ARHGAP27: variants seen among roughly 807,000 people sequenced by gnomAD.
The protein encoded by ARHGAP27 is Rho GTPase activating protein 27.
ARHGAP27 carries 53 observed loss-of-function variants against 102.0 expected under a neutral mutation model. The observed-to-expected ratio is 0.52, with a 90% confidence interval of 0.42 to 0.65. The LOEUF is 0.65. ARHGAP27 is among the 30% of genes least tolerant of loss of function. The pLI is 0.00. For missense variants in ARHGAP27, 1,117 were observed against 1,256.2 expected (o/e 0.89, Z 1.68); for synonymous variants, 525 against 542.8 (o/e 0.97, Z 0.46).
intron 5 of ARHGAP27, among the ~76,000 whole-genome samples, 176 bp downstream of exon 5, chr17:45,405,500 C>T (rs2047042359): frequency 6.6e-6 from 1 of 151,886 alleles, no homozygotes; most frequent in African/African-American, 2.4e-5. Context: ...CAGCCCCGCC[C>T]TTCACCCTGG....
At position 45,395,560 on chromosome 17, in the gene ARHGAP27, G is replaced by A. The variant is rs746391701; in HGVS notation, c.2566C>T (p.Arg856Trp). Reference protein sequence around the residue: ...VAIVFGPTLLRPEVEETSMPM... With the variant: ...VAIVFGPTLLWPEVEETSMPM... ...ATGCTGGTCTCTTCCACCTCGGGCC[G>A]CAGCAGCGTGGGCCCGAACACAATG... Residue 856 changes from arginine to tryptophan, a missense_variant, in exon 20 of 20, where the codon CGG (arginine) becomes TGG (tryptophan). Arg to Trp is a moderately radical substitution (Grantham distance 101). This residue lies in a region of ARHGAP27 where 493 missense variants were observed against 505.5 expected (regional missense o/e 0.98). Transcript: ENST00000685559. The A allele has an allele frequency of 2.4e-5, 39 of 1,603,970 alleles. No homozygotes were observed. Among genetic ancestry groups the A allele is most frequent in the African/African-American group, 4.0e-5 (3 of 74,746 alleles).
At chr17:45,410,674 G>A (rs371331383) in intron 4 of ARHGAP27, among the ~76,000 whole-genome samples, 1 of 152,054 alleles carries the variant, frequency 6.6e-6, no homozygotes, top group East Asian at 1.9e-4. Context: ...TGTGGGGGAG[G>A]GGCGCGCTTG....
rs540086629 is a variant in ARHGAP27 at position 45,396,404 on chromosome 17, C to T, written c.2173+83G>A. The T allele has an allele frequency of 3.8e-5, 55 of 1,466,524 alleles. No homozygotes were observed. In the African/African-American group the frequency reaches 7.2e-4, roughly 19 times the overall value. The allele number at this position is 1,466,524 out of a possible 1,614,324, so 90.8% of individuals were successfully genotyped here. On this transcript the variant is annotated intron_variant, in intron 16 of 19. Transcript: ENST00000685559. ...CTTTCCCCCTGGACCCTGCGTCCAT[C>T]CAGGGGTCTCCAGCCTGCGGTCCTG...
chr17:45,420,804 A>G (rs2144916279), intron 4 of ARHGAP27, among the ~76,000 whole-genome samples: 1 of 151,938 alleles, frequency 6.6e-6, no homozygotes, highest in Non-Finnish European at 1.5e-5. Context: ...AATACAAAAA[A>G]TTAGCCGGGC....
chr17:45,419,137 C>T (rs375484702), intron 4 of ARHGAP27, among the ~76,000 whole-genome samples: 62 of 151,976 alleles, frequency 4.1e-4, no homozygotes, highest in Admixed American at 1.0e-3. Context: ...GGACCCAGGA[C>T]GCACTAAAGA....
chr17:45,395,687 G>A, intron 19 of ARHGAP27, 54 bp from the exon 20 acceptor site: 1 of 1,569,112 alleles, frequency 6.4e-7, no homozygotes, highest in Non-Finnish European at 8.6e-7. Flanking sequence ...GCGGGGAGGC[G>A]CTGGGGGCTT....
Position 45,430,770 on chromosome 17 carries a change from G to C in ARHGAP27, c.-18-473C>G, listed in dbSNP as rs1308340167. The stretch of plus-strand genomic sequence containing the variant: ...GAAGCCTCCCGCCCGCAGAGAATCA[G>C]CAGAGGGTCTCGTAGCACTGCCTCC... On this transcript the variant is annotated intron_variant, in intron 3 of 19. Transcript: ENST00000685559. This position sits in a 1 kb window ranked among gnomAD's most constrained non-coding sequence, Gnocchi z 4.4. 6.6e-6 allele frequency among the ~76,000 whole-genome samples: 1 copy of C among 152,006 alleles called. No individual in the cohort carries two copies. The highest frequency in any genetic ancestry group is 2.4e-5 in the African/African-American group (1 of 41,384).
chr17:45,403,854 T>C, intron 10 of ARHGAP27, 145 bp from the exon 11 acceptor site: 1 of 974,516 alleles, frequency 1.0e-6, no homozygotes, highest in Non-Finnish European at 1.6e-6. Context: ...CTCTAACACC[T>C]AGCAGCCGAG....
chr17:45,396,709 C>T lies in ARHGAP27; in HGVS notation c.2033G>A (p.Arg678Gln), dbSNP rs1419710789. Residue 678 changes from arginine (R) to glutamine (Q), a missense_variant, in exon 15 of 20, where the codon CGG (arginine) becomes CAG (glutamine). This residue lies in a region of ARHGAP27 where 493 missense variants were observed against 505.5 expected (regional missense o/e 0.98). Coordinates refer to ENST00000685559, the MANE Select transcript of ARHGAP27 (RefSeq NM_001282290.2). The stretch of plus-strand genomic sequence containing the variant: ...CTCCCGCAGCGACTGCAGTGTGGGC[C>T]GCCTCTGGAGGAACTTGCGGAGCTT... Reference protein sequence around the residue: ...RHKLRKFLQRRPTLQSLREKG... With the variant: ...RHKLRKFLQRQPTLQSLREKG... 6.2e-7 allele frequency: 1 copy of T among 1,613,840 alleles called. No individual in the cohort carries two copies. Among genetic ancestry groups the T allele is most frequent in the Non-Finnish European group, 8.5e-7 (1 of 1,179,804 alleles).
chr17:45,423,505 A>G (rs1204854814), intron 4 of ARHGAP27, among the ~76,000 whole-genome samples: 1 of 152,180 alleles, frequency 6.6e-6, no homozygotes, highest in East Asian at 1.9e-4. Context: ...CTCCTCCAGG[A>G]AGCACTCCTG....
At chr17:45,425,369 T>C (rs910377579) in intron 4 of ARHGAP27, among the ~76,000 whole-genome samples, 3 of 152,154 alleles carry the variant, frequency 2.0e-5, no homozygotes, top group African/African-American at 7.2e-5. Flanking sequence ...CAGGAGGGTC[T>C]GTCCCAAGGC....
intron 4 of ARHGAP27, chr17:45,410,189 G>C: frequency 6.5e-7 from 1 of 1,531,046 alleles, no homozygotes; most frequent in South Asian, 1.2e-5. Flanking sequence ...CAGGGCTTGT[G>C]GTAGAGGCCC....
At chr17:45,431,231 C>T (rs1313800573) in intron 3 of ARHGAP27, among the ~76,000 whole-genome samples, 1 of 152,230 alleles carries the variant, frequency 6.6e-6, no homozygotes, top group East Asian at 1.9e-4. Context: ...CGCTCCCGCC[C>T]GGGCTTCGGG....
intron 4 of ARHGAP27, among the ~76,000 whole-genome samples, chr17:45,411,880 C>G (rs1319006555): frequency 6.6e-6 from 1 of 152,138 alleles, no homozygotes; most frequent in African/African-American, 2.4e-5. Flanking sequence ...GCCTCAGAGA[C>G]AGGAATAGCC....
At chr17:45,413,738 G>A (rs1331000408) in intron 4 of ARHGAP27, among the ~76,000 whole-genome samples, 1 of 152,124 alleles carries the variant, frequency 6.6e-6, no homozygotes, top group Non-Finnish European at 1.5e-5. Context: ...CATCCTCAGG[G>A]CTCACAACGC....
rs2046776068 is a variant in ARHGAP27, at chr17:45,403,832, C to A, written c.1548-123G>T. 8 of 1,010,414 alleles carry A rather than the reference C, an allele frequency of 7.9e-6. No individual in the cohort carries two copies. In the South Asian group the frequency reaches 1.2e-4, roughly 15 times the overall value. 62.6% of individuals were successfully genotyped at this position (1,010,414 alleles called of 1,614,324 possible). The stretch of plus-strand genomic sequence containing the variant: ...AGGCTAGGGCACCCCATTATGAGGG[C>A]TGGAATCCCGACTCTAACACCTAGC... On this transcript the variant is annotated intron_variant, in intron 10 of 19. Transcript: ENST00000685559.
chr17:45,395,158 C>T lies in ARHGAP27; in HGVS notation c.*298G>A. 1 of 471,436 alleles carries T rather than the reference C, an allele frequency of 2.1e-6. No homozygotes were observed. Among genetic ancestry groups the T allele is most frequent in the Non-Finnish European group, 3.8e-6 (1 of 264,398 alleles). The allele number at this position is 471,436 out of a possible 1,614,324, so 29.2% of individuals were successfully genotyped here. On this transcript the variant is annotated 3_prime_UTR_variant, in exon 20 of 20. Coordinates refer to ENST00000685559, the MANE Select transcript of ARHGAP27 (RefSeq NM_001282290.2). ...TCCAGAAAACAAACTCTCACCCCCA[C>T]ACACGCTATCGCACACGCACAGTAG...
intron 4 of ARHGAP27, among the ~76,000 whole-genome samples, chr17:45,423,858 G>A (rs2049280670): frequency 6.6e-6 from 1 of 152,212 alleles, no homozygotes; most frequent in Non-Finnish European, 1.5e-5. Flanking sequence ...CAGAATAAAT[G>A]GGAAGAAACC....
chr17:45,396,462 G>T, intron 16 of ARHGAP27, 25 bp downstream of exon 16: 1 of 1,508,290 alleles, frequency 6.6e-7, no homozygotes, highest in South Asian at 1.2e-5. Context: ...AATGCCTGCC[G>T]CCCTCACCCC....
Sources: allele counts gnomAD v4.1 joint callset (sites outside exome capture counted in the v4.1 genomes callset), GRCh38; gene constraint gnomAD v4.1.1; regional missense constraint gnomAD v4.1.1; non-coding constraint Gnocchi (gnomAD v3.1); transcripts MANE v1.5; gene names NCBI Gene and HGNC (gene_info 2026-07-23, HGNC 2026-07-21).